The following PM20D2 variants were observed in gnomAD, a reference collection of about 807,000 sequenced individuals.
PM20D2 encodes the protein peptidase M20 domain containing 2.
Under a neutral mutation model 42.9 loss-of-function variants are expected in PM20D2, and 33 were observed. The observed-to-expected ratio is 0.77, with a 90% CI of 0.58 to 1.03. The LOEUF is 1.03. Ranked by LOEUF, PM20D2 falls within the 50% of genes least tolerant of loss-of-function variation. The probability of loss-of-function intolerance (pLI) is 0.00; values close to 1 mark genes in which losing one functional copy is unlikely to be tolerated. For missense variants in PM20D2, 548 were observed against 557.0 expected, an observed-to-expected ratio of 0.98 and a Z score of 0.16; for synonymous variants, 250 against 228.2, an observed-to-expected ratio of 1.10 and a Z score of -0.86.
At chr6:89,160,228 G>A (rs1458432269) in intron 5 of PM20D2, among the ~76,000 whole-genome samples, 4 of 152,154 alleles carry the variant, frequency 2.6e-5, no homozygotes, top group Non-Finnish European at 5.9e-5. Context: ...TTCTGAAGCA[G>A]TACTTCTATA....
the PM20D2 span, among the ~76,000 whole-genome samples, chr6:89,109,314 G>T: frequency 6.6e-6 from 1 of 152,212 alleles, no homozygotes; most frequent in South Asian, 2.1e-4. Flanking sequence ...GCTAAAGCAG[G>T]TGTCTTCACC....
intron 2 of PM20D2, among the ~76,000 whole-genome samples, chr6:89,151,153 C>CGAA (rs1554186679): frequency 7.8e-6 from 1 of 128,220 alleles, no homozygotes; most frequent in African/African-American, 3.0e-5. Flanking sequence ...AACTCCATCT[C>CGAA]AAAAAAAAAG....
chr6:89,135,758 CATT>C, the PM20D2 span, among the ~76,000 whole-genome samples: 1 of 151,158 alleles, frequency 6.6e-6, no homozygotes, highest in Admixed American at 6.6e-5. Context: ...TATATGGCAT[CATT>C]GAGTATATTC....
At position 89,146,579 on chromosome 6, in the gene PM20D2, G is replaced by T; in HGVS notation, c.435G>T (p.Glu145Asp). Residue 145 changes from glutamate to aspartate, a missense_variant, in exon 1 of 7, where the codon GAG becomes GAT. Glu to Asp is a conservative substitution (Grantham distance 45). Around this residue, in one of 3 missense-constraint regions of PM20D2, gnomAD observed 470 missense variants for 464.4 expected, o/e 1.01. Transcript: ENST00000275072. ...AAALGVRGALEGLPRPPPPVK... is the reference protein window; with the variant it reads ...AAALGVRGALDGLPRPPPPVK... ...CGCTGGGCGTGAGGGGGGCCTTAGA[G>T]GGCCTCCCCAGGCCGCCTCCGCCCG... 6.8e-7 allele frequency: 1 copy of T among 1,477,286 alleles called. No individual in the cohort carries two copies. The highest frequency in any genetic ancestry group is 2.3e-5 in the Admixed American group (1 of 42,936). The allele number at this position is 1,477,286 out of a possible 1,614,324, so 91.5% of individuals were successfully genotyped here.
upstream of PM20D2, among the ~76,000 whole-genome samples, chr6:89,142,923 G>A (rs1770383101): frequency 6.6e-6 from 1 of 152,154 alleles, no homozygotes; most frequent in Admixed American, 6.5e-5. Flanking sequence ...CTCCCAGAGT[G>A]CTGGGATTAC....
chr6:89,131,450 G>A, the PM20D2 span, among the ~76,000 whole-genome samples: 1 of 86,702 alleles, frequency 1.2e-5, no homozygotes, highest in Non-Finnish European at 3.0e-5. Flanking sequence ...CACTTTGGGA[G>A]ACTGAGGCGG....
At chr6:89,112,749 CATTTTTTA>C in the PM20D2 span, among the ~76,000 whole-genome samples, 1 of 151,692 alleles carries the variant, frequency 6.6e-6, no homozygotes, top group Admixed American at 6.6e-5. Flanking sequence ...TTCCTTTTTT[CATTTTTTA>C]ATATAGTTAT....
the PM20D2 span, among the ~76,000 whole-genome samples, chr6:89,115,697 C>G: frequency 2.1e-5 from 3 of 145,216 alleles, no homozygotes; most frequent in African/African-American, 7.9e-5. Flanking sequence ...AGTGCAGTGG[C>G]GCGATGTTGG....
chr6:89,098,553 G>T, the PM20D2 span: 1 of 1,572,750 alleles, frequency 6.4e-7, no homozygotes, highest in Non-Finnish European at 8.6e-7. Context: ...TATTAAAGAC[G>T]GCGTGGTGCT....
In PM20D2 at chr6:89,158,432, A is replaced by G; in HGVS notation, c.1020A>G (p.Ser340=). The G allele has an allele frequency of 6.2e-7, 1 of 1,611,328 alleles. No homozygotes were observed. Among genetic ancestry groups the G allele is most frequent in the Non-Finnish European group, 8.5e-7 (1 of 1,179,428 alleles). Residue 340 remains serine (S), a synonymous_variant, in exon 5 of 7, where the codon TCA becomes TCG. Coordinates refer to ENST00000275072, the MANE Select transcript of PM20D2 (RefSeq NM_001010853.3). ...GAAAGCTAGGAATAGAGTTCATTTC[A>G]GAAGATACAATGTTGAATGGCCCTT... ...NGRKLGIEFI[S]EDTMLNGPSG... is the part of the protein sequence containing the mutation.
chr6:89,158,560 CTA>C, intron 5 of PM20D2, 100 bp downstream of exon 5: 3 of 1,346,038 alleles, frequency 2.2e-6, no homozygotes, highest in Non-Finnish European at 3.1e-6. Flanking sequence ...TCGGGAGGTA[CTA>C]CTGACGTTTT....
At chr6:89,112,730 T>C in the PM20D2 span, among the ~76,000 whole-genome samples, 10 of 152,090 alleles carry the variant, frequency 6.6e-5, no homozygotes, top group African/African-American at 9.7e-5. Flanking sequence ...ATTTTCCATA[T>C]ATAGCTTTTT....
the PM20D2 span, among the ~76,000 whole-genome samples, chr6:89,110,078 A>C: frequency 6.6e-6 from 1 of 151,128 alleles, no homozygotes; most frequent in Non-Finnish European, 1.5e-5. Context: ...GCAACAGAGC[A>C]AGACTCTGTC....
chr6:89,158,763 A>AT (rs1771136193), intron 5 of PM20D2, among the ~76,000 whole-genome samples: 1 of 152,218 alleles, frequency 6.6e-6, no homozygotes, highest in Admixed American at 6.5e-5. Flanking sequence ...GGGATATAGA[A>AT]TTTTAATTCA....
chr6:89,101,446 G>A, the PM20D2 span, among the ~76,000 whole-genome samples: 1 of 152,176 alleles, frequency 6.6e-6, no homozygotes, highest in African/African-American at 2.4e-5. Flanking sequence ...AACCGGCCGG[G>A]TGCGGTGGCT....
At chr6:89,111,471 TATAGAA>T in the PM20D2 span, among the ~76,000 whole-genome samples, 12 of 152,344 alleles carry the variant, frequency 7.9e-5, no homozygotes, top group South Asian at 8.3e-4. Flanking sequence ...GCTGTTAATA[TATAGAA>T]ATAAAGTTTT....
rs114887751 is a variant in PM20D2 at position 89,154,687 on chromosome 6, G to A, written c.758-61G>A. 1,851 of 1,236,740 alleles carry A rather than the reference G, an allele frequency of 1.5e-3. 19 individuals carry two copies. The African/African-American group carries it at 0.025, about 17-fold the overall frequency. The allele number at this position is 1,236,740 out of a possible 1,614,324, so 76.6% of individuals were successfully genotyped here. A position where few individuals can be genotyped will look rare whatever the true frequency, so the allele number is the denominator to read the frequency against. ...ATATTGGCTGAAAAACTTAATGGGTGTATTTAAGCTTAAAGAAATGGTCAC... is the reference window on the plus strand; with the variant it reads ...ATATTGGCTGAAAAACTTAATGGGTATATTTAAGCTTAAAGAAATGGTCAC... On this transcript the variant is annotated intron_variant, in intron 3 of 6. Transcript: ENST00000275072.
At chr6:89,127,211 G>A in the PM20D2 span, among the ~76,000 whole-genome samples, 1 of 152,052 alleles carries the variant, frequency 6.6e-6, no homozygotes, top group African/African-American at 2.4e-5. Context: ...TCATAATTTT[G>A]CAACCCCTAA....
chr6:89,138,200 C>A, the PM20D2 span, among the ~76,000 whole-genome samples: 1 of 151,958 alleles, frequency 6.6e-6, no homozygotes, highest in Non-Finnish European at 1.5e-5. Flanking sequence ...GTTGGGAGTA[C>A]AGGCATGAGA....
Sources: gnomAD v4.1 joint callset for allele counts (sites outside exome capture counted in the v4.1 genomes callset) on GRCh38, gnomAD v4.1.1 for gene constraint, gnomAD v4.1.1 regional missense constraint, MANE v1.5 for transcripts, NCBI Gene and HGNC (gene_info 2026-07-23, HGNC 2026-07-21) for gene names.